Variants in FCHSD2 observed in about 807,000 individuals in gnomAD.
FCHSD2 encodes F-BAR and double SH3 domains protein 2.
Under a neutral mutation model 108.1 loss-of-function variants are expected in FCHSD2, and 38 were observed. The ratio of observed to expected loss-of-function variants is 0.35; its 90% CI spans 0.27 to 0.46. FCHSD2 has a LOEUF of 0.46. FCHSD2 is among the 20% of genes least tolerant of loss of function. The pLI is 1.00. For synonymous variants in FCHSD2, 279 were observed against 314.7 expected, an observed-to-expected ratio of 0.89 and a Z score of 1.20; for missense variants, 751 against 897.8, an observed-to-expected ratio of 0.84 and a Z score of 2.09.
rs745334765 is a variant in FCHSD2, at chr11:73,035,696, T to TTTATTTA, written c.166-19812_166-19811insTAAATAA. On this transcript the variant is annotated intron_variant, in intron 3 of 19. Transcript: ENST00000409418. Reference sequence around the variant, plus strand: ...ACTGAACAGTACTGAAATGTTCAGTTTTTATTTATTTATTTATTTATTTAT... The same window carrying TTTATTTA: ...ACTGAACAGTACTGAAATGTTCAGTTTTATTTATTTATTTATTTATTTATTTATTTAT... Among the ~76,000 whole-genome samples, 614 of 125,932 alleles carry TTTATTTA rather than the reference T, an allele frequency of 4.9e-3. 7 individuals are homozygous for TTTATTTA. Among genetic ancestry groups the TTTATTTA allele is most frequent in the South Asian group, 4.6e-3 (15 of 3,288 alleles). 82.6% of individuals were successfully genotyped at this position (125,932 alleles called of 152,430 possible). A position where few individuals can be genotyped will look rare whatever the true frequency, so the allele number is the denominator to read the frequency against.
intron 3 of FCHSD2, chr11:73,077,563 C>A: frequency 2.5e-6 from 1 of 396,068 alleles, no homozygotes; most frequent in Non-Finnish European, 4.8e-6. Flanking sequence ...CTTATCCATA[C>A]ACAAATGTTT....
intron 2 of FCHSD2, among the ~76,000 whole-genome samples, chr11:73,085,584 G>A (rs557236139): frequency 6.6e-6 from 1 of 152,190 alleles, no homozygotes; most frequent in Admixed American, 6.5e-5. Context: ...ACATTTAAGG[G>A]AGAAATTGAA....
At chr11:72,983,775 TGA>T in intron 8 of FCHSD2, 1 of 471,342 alleles carries the variant, frequency 2.1e-6, no homozygotes, top group Non-Finnish European at 4.1e-6. Flanking sequence ...TTTCCCAGTT[TGA>T]GTCATTATTT....
chr11:72,963,958 T>C (rs765876263), intron 8 of FCHSD2, among the ~76,000 whole-genome samples: 5 of 152,158 alleles, frequency 3.3e-5, no homozygotes, highest in Admixed American at 6.5e-5. Flanking sequence ...GGCTAATTAA[T>C]AGATGGGTAA....
chr11:72,985,370 A>C (rs1160251821), intron 6 of FCHSD2, among the ~76,000 whole-genome samples: 1 of 151,356 alleles, frequency 6.6e-6, no homozygotes, highest in East Asian at 1.9e-4. Context: ...AAAAAAAAAA[A>C]AAAAAACTTG....
chr11:73,119,295 T>A (rs1231473463), intron 2 of FCHSD2, among the ~76,000 whole-genome samples: 1 of 148,684 alleles, frequency 6.7e-6, no homozygotes, highest in Non-Finnish European at 1.5e-5. Flanking sequence ...AGAGCGAGAC[T>A]CTGCCTCAAA....
chr11:72,937,527 C>A (rs148042453), intron 8 of FCHSD2, among the ~76,000 whole-genome samples: 2 of 152,262 alleles, frequency 1.3e-5, no homozygotes, highest in Admixed American at 6.5e-5. Context: ...CATATGGGAC[C>A]ATTAATGGAA....
At chr11:72,980,073 C>T (rs1324791038) in intron 8 of FCHSD2, among the ~76,000 whole-genome samples, 1 of 152,178 alleles carries the variant, frequency 6.6e-6, no homozygotes, top group African/African-American at 2.4e-5. Flanking sequence ...GCTACTGAGA[C>T]TCTGGAAGAG....
intron 10 of FCHSD2, among the ~76,000 whole-genome samples, chr11:72,901,278 C>T (rs541890553): frequency 7.0e-6 from 1 of 142,046 alleles, no homozygotes; most frequent in Non-Finnish European, 1.5e-5. Flanking sequence ...GTGCCTGTGG[C>T]CCCAGCTAAT....
intron 8 of FCHSD2, among the ~76,000 whole-genome samples, chr11:72,981,113 T>C (rs80316970): frequency 0.022 from 3,389 of 152,244 alleles, 132 homozygotes; most frequent in African/African-American, 0.075. Flanking sequence ...CTGCAGACTA[T>C]AGAATTAGCA....
chr11:72,930,658 T>C (rs1856170833), intron 8 of FCHSD2, among the ~76,000 whole-genome samples: 1 of 152,062 alleles, frequency 6.6e-6, no homozygotes, highest in Non-Finnish European at 1.5e-5. Context: ...GGCATAAGAA[T>C]TGCTAGAACC....
chr11:72,980,305 G>A lies in FCHSD2; in HGVS notation c.705+3783C>T, dbSNP rs568714503. On this transcript the variant is annotated intron_variant, in intron 8 of 19. Transcript: ENST00000409418. The stretch of plus-strand genomic sequence containing the variant: ...TAAGCAGTGTTGAAACTGCTGCACT[G>A]GTTTCTCTATTAATTTATGATCATG... 3.9e-3 allele frequency among the ~76,000 whole-genome samples: 601 copies of A among 152,226 alleles called. 8 individuals are homozygous for A. In the South Asian group the frequency reaches 0.041, roughly 10 times the overall value.
intron 3 of FCHSD2, among the ~76,000 whole-genome samples, chr11:73,036,017 C>T (rs932477679): frequency 3.9e-5 from 6 of 152,080 alleles, no homozygotes; most frequent in African/African-American, 1.2e-4. Flanking sequence ...CCACTCCTCG[C>T]CCAGTTTTTA....
At position 72,837,596 on chromosome 11, in the gene FCHSD2, C is replaced by G. The variant is rs1860770019; in HGVS notation, c.*1195G>C. The G allele has an allele frequency of 6.6e-6, 1 of 152,232 alleles. No individual in the cohort carries two copies. Among genetic ancestry groups the G allele is most frequent in the African/African-American group, 2.4e-5 (1 of 41,470 alleles). The allele number at this position is 152,232 out of a possible 1,614,324, so 9.4% of individuals were successfully genotyped here. A position where few individuals can be genotyped will look rare whatever the true frequency, so the allele number is the denominator to read the frequency against. On this transcript the variant is annotated 3_prime_UTR_variant, in exon 20 of 20. Coordinates refer to ENST00000409418, the MANE Select transcript of FCHSD2 (RefSeq NM_014824.3). ...GGGGGCACCTGCTGCTGCAGGCTTG[C>G]TGGCCTGCAGAGAAGGCCACTCCTG... is the stretch of plus-strand genomic sequence containing the variant.
chr11:72,887,357 G>A (rs900184782), intron 12 of FCHSD2, 113 bp downstream of exon 12: 84 of 683,018 alleles, frequency 1.2e-4, no homozygotes, highest in Non-Finnish European at 6.3e-5. Flanking sequence ...GAATGAAGAC[G>A]GTGAATCACC....
intron 3 of FCHSD2, among the ~76,000 whole-genome samples, chr11:73,078,365 T>C (rs978538102): frequency 2.0e-5 from 3 of 152,190 alleles, no homozygotes; most frequent in Admixed American, 2.0e-4. Flanking sequence ...GATATGTTCA[T>C]ATGTCCACTT....
intron 2 of FCHSD2, among the ~76,000 whole-genome samples, chr11:73,121,176 C>T (rs564431834): frequency 1.6e-4 from 24 of 147,190 alleles, no homozygotes; most frequent in African/African-American, 5.1e-4. Context: ...CATACACATA[C>T]ACACACACAC....
chr11:72,967,068 C>T (rs996249576), intron 8 of FCHSD2, among the ~76,000 whole-genome samples: 5 of 151,988 alleles, frequency 3.3e-5, no homozygotes, highest in African/African-American at 7.3e-5. Flanking sequence ...GGCCTGGTGG[C>T]GGGCACCTGT....
chr11:73,010,241 T>C (rs1357624711), intron 4 of FCHSD2, among the ~76,000 whole-genome samples: 1 of 152,182 alleles, frequency 6.6e-6, no homozygotes, highest in African/African-American at 2.4e-5. Context: ...ATTACAGAAT[T>C]TCTGTTTGGT....
Sources: gnomAD v4.1 joint callset for allele counts (sites outside exome capture counted in the v4.1 genomes callset) on GRCh38, gnomAD v4.1.1 for gene constraint, MANE v1.5 for transcripts, NCBI Gene and HGNC (gene_info 2026-07-23, HGNC 2026-07-21) for gene names.